Variants in ROCK2 observed in about 807,000 individuals in gnomAD.
ROCK2 encodes Rho associated coiled-coil containing protein kinase 2.
Under a neutral mutation model 195.1 loss-of-function variants are expected in ROCK2, and 61 were observed. The observed-to-expected ratio is 0.31, with a 90% CI of 0.25 to 0.39. The LOEUF (loss-of-function observed/expected upper bound fraction) is 0.39. ROCK2 is among the 10% of genes least tolerant of loss of function. The pLI is 1.00. For missense variants in ROCK2, 1,109 were observed against 1,637.4 expected (o/e 0.68, Z 5.57); for synonymous variants, 504 against 545.5 (o/e 0.92, Z 1.06).
chr2:11,302,050 C>T (rs2148217779), intron 1 of ROCK2, among the ~76,000 whole-genome samples: 1 of 152,140 alleles, frequency 6.6e-6, no homozygotes, highest in Non-Finnish European at 1.5e-5. Flanking sequence ...AGGTGATCCA[C>T]CTGCCTTGGC....
chr2:11,317,939 A>G (rs2148242969), intron 1 of ROCK2, among the ~76,000 whole-genome samples: 1 of 152,194 alleles, frequency 6.6e-6, no homozygotes, highest in East Asian at 1.9e-4. Flanking sequence ...TGCAAAGGAC[A>G]TGAACTCATC....
intron 1 of ROCK2, among the ~76,000 whole-genome samples, chr2:11,334,282 G>A (rs144967756): frequency 0.014 from 2,057 of 152,228 alleles, 40 homozygotes; most frequent in African/African-American, 0.047. Flanking sequence ...GGAGGCCAAG[G>A]TGGGCGGATC....
chr2:11,317,714 C>T (rs1303193528), intron 1 of ROCK2, among the ~76,000 whole-genome samples: 6 of 148,346 alleles, frequency 4.0e-5, no homozygotes, highest in South Asian at 2.2e-4. Flanking sequence ...GTGCTGCACC[C>T]ATTAACTCGT....
chr2:11,268,522 C>CTGTGTG (rs70953378), intron 3 of ROCK2, among the ~76,000 whole-genome samples: 10,244 of 140,508 alleles, frequency 0.073, 406 homozygotes, highest in African/African-American at 0.1. Flanking sequence ...CAGTTTTGCA[C>CTGTGTG]TGTGTGTGTG....
Position 11,216,359 on chromosome 2 carries a change from C to T in ROCK2, c.1413-153G>A, listed in dbSNP as rs1355297959. Among the ~76,000 whole-genome samples the T allele has an allele frequency of 3.3e-5, 5 of 152,212 alleles. No individual in the cohort carries two copies. In the East Asian group the frequency reaches 5.8e-4, roughly 18 times the overall value. On this transcript the variant is annotated intron_variant, in intron 12 of 32. Coordinates refer to ENST00000315872, the MANE Select transcript of ROCK2 (RefSeq NM_004850.5). ...TGTTGCCCAGACTGGAATGCAGTGG[C>T]GCAATCTTGGCTCACTACAATGCCT...
intron 3 of ROCK2, among the ~76,000 whole-genome samples, chr2:11,281,228 A>AC (rs1666991925): frequency 6.6e-6 from 1 of 151,708 alleles, no homozygotes; most frequent in Non-Finnish European, 1.5e-5. Flanking sequence ...AAAAAAAAAA[A>AC]AAACCTCAGT....
At chr2:11,287,419 T>TA (rs1667233526) in intron 2 of ROCK2, among the ~76,000 whole-genome samples, 1 of 152,178 alleles carries the variant, frequency 6.6e-6, no homozygotes, top group Non-Finnish European at 1.5e-5. Context: ...AAAATAGTCT[T>TA]AATAATGTAT....
rs71393861 is a variant in ROCK2 at position 11,240,593 on chromosome 2, T to TG, written c.463-4632dup. On this transcript the variant is annotated intron_variant, in intron 4 of 32. Transcript: ENST00000315872. ...CCTACAGGGACAGAAAGCACATTAA[T>TG]GGTTGCCTGGGGCTCAGAGGGTAAT... Among the ~76,000 whole-genome samples, 938 of 152,344 alleles carry TG rather than the reference T, an allele frequency of 6.2e-3. 4 individuals carry two copies. Among genetic ancestry groups the TG allele is most frequent in the Non-Finnish European group, 0.01 (711 of 68,038 alleles).
intron 1 of ROCK2, among the ~76,000 whole-genome samples, chr2:11,291,347 C>T (rs868036223): frequency 6.6e-6 from 1 of 152,146 alleles, no homozygotes; most frequent in Non-Finnish European, 1.5e-5. Flanking sequence ...GCCACGAGTT[C>T]GAGACCATCC....
chr2:11,186,405 C>A, intron 32 of ROCK2, among the ~76,000 whole-genome samples: 1 of 152,196 alleles, frequency 6.6e-6, no homozygotes, highest in East Asian at 1.9e-4. Context: ...AAATTTAAGT[C>A]TAATCGCTAG....
At chr2:11,190,472 T>TA (rs1663380221) in intron 32 of ROCK2, among the ~76,000 whole-genome samples, 1 of 152,038 alleles carries the variant, frequency 6.6e-6, no homozygotes, top group African/African-American at 2.4e-5. Context: ...TCAGTGTACA[T>TA]AAAAACAGCC....
At chr2:11,277,979 C>G (rs1264980087) in intron 3 of ROCK2, among the ~76,000 whole-genome samples, 1 of 152,094 alleles carries the variant, frequency 6.6e-6, no homozygotes, top group Non-Finnish European at 1.5e-5. Flanking sequence ...ACAAAAACTG[C>G]ATATATTTAT....
rs1003104049 is a variant in ROCK2 at position 11,215,069 on chromosome 2, A to T, written c.1707T>A (p.Ala569=). Residue 569 remains alanine (A), a synonymous_variant, in exon 16 of 33, where the codon GCT becomes GCA. Transcript: ENST00000315872. ...QLQRQLDETN[A]LLRTESDTAA... is the part of the protein sequence containing the mutation. ...CAGTATCAGACTCTGTTCGCAGTAA[A>T]GCATTGGTTTCATCCAGCTGTTATT... The T allele has an allele frequency of 1.2e-6, 2 of 1,614,130 alleles. No homozygotes were observed. The highest frequency in any genetic ancestry group is 3.3e-5 in the Admixed American group (2 of 60,028).
intron 20 of ROCK2, among the ~76,000 whole-genome samples, chr2:11,203,233 C>T (rs1195446514): frequency 5.3e-5 from 8 of 151,922 alleles, no homozygotes; most frequent in African/African-American, 1.5e-4. Context: ...TATAGTTATC[C>T]GAAACCAAAA....
intron 1 of ROCK2, among the ~76,000 whole-genome samples, chr2:11,291,298 C>A (rs1023767855): frequency 1.3e-5 from 2 of 152,162 alleles, no homozygotes; most frequent in Non-Finnish European, 2.9e-5. Flanking sequence ...GCCTGTAATC[C>A]CAGCACTTTG....
intron 1 of ROCK2, among the ~76,000 whole-genome samples, chr2:11,320,451 C>T (rs905190169): frequency 1.3e-5 from 2 of 152,160 alleles, no homozygotes; most frequent in Non-Finnish European, 2.9e-5. Context: ...GTAAGGAAGA[C>T]ACCAACATTG....
chr2:11,272,617 C>T (rs56256182), intron 3 of ROCK2, among the ~76,000 whole-genome samples: 58,697 of 151,782 alleles, frequency 0.39, 13,260 homozygotes, highest in Admixed American at 0.52. Flanking sequence ...CAGTGGTTCA[C>T]GCCTATAACC....
chr2:11,198,955 C>T (rs1663746365), intron 23 of ROCK2, among the ~76,000 whole-genome samples, 181 bp from the exon 24 acceptor site: 1 of 149,292 alleles, frequency 6.7e-6, no homozygotes, highest in Non-Finnish European at 1.5e-5. Context: ...ACCAGGAGTG[C>T]AGTGGCGCAA....
At chr2:11,239,640 C>T (rs1031575648) in intron 4 of ROCK2, among the ~76,000 whole-genome samples, 4 of 152,158 alleles carry the variant, frequency 2.6e-5, no homozygotes, top group African/African-American at 4.8e-5. Context: ...GTCCATTAAC[C>T]GGTAAATGAG....
Sources: allele counts gnomAD v4.1 joint callset (sites outside exome capture counted in the v4.1 genomes callset), GRCh38; gene constraint gnomAD v4.1.1; transcripts MANE v1.5; gene names NCBI Gene and HGNC (gene_info 2026-07-23, HGNC 2026-07-21).